LRRC4C: variants seen among roughly 807,000 people sequenced by gnomAD.
LRRC4C encodes the protein leucine rich repeat containing 4C, also known as leucine-rich repeat-containing protein 4C.
LRRC4C carries 5 observed loss-of-function variants against 33.6 expected under a neutral mutation model. The observed-to-expected ratio is 0.15, with a 90% CI of 0.08 to 0.31. The LOEUF (loss-of-function observed/expected upper bound fraction) is 0.31. LRRC4C is among the 10% of genes least tolerant of loss of function. The pLI, the probability that LRRC4C is intolerant of heterozygous loss-of-function variation, is 1.00. For synonymous variants in LRRC4C, 329 were observed against 302.0 expected (o/e 1.09, Z -0.93); for missense variants, 560 against 796.7 (o/e 0.70, Z 3.58).
intron 5 of LRRC4C, among the ~76,000 whole-genome samples, chr11:40,207,571 C>G (rs1863253692): frequency 6.6e-6 from 1 of 152,178 alleles, no homozygotes; most frequent in Non-Finnish European, 1.5e-5. Flanking sequence ...CACTGCCACT[C>G]TAGCCTGGGC....
At chr11:40,830,861 A>G (rs1019059260) in intron 2 of LRRC4C, among the ~76,000 whole-genome samples, 4 of 152,132 alleles carry the variant, frequency 2.6e-5, no homozygotes, top group African/African-American at 7.2e-5. Context: ...ATCTATGGCA[A>G]AGAGGGTGGA....
chr11:41,107,072 T>TGAA (rs1941546309), intron 1 of LRRC4C, among the ~76,000 whole-genome samples: 3 of 151,510 alleles, frequency 2.0e-5, no homozygotes, highest in Non-Finnish European at 4.4e-5. Flanking sequence ...TTTTTTTTTT[T>TGAA]TTTGAATTTT....
intron 1 of LRRC4C, among the ~76,000 whole-genome samples, chr11:40,979,972 G>T (rs1176981176): frequency 8.5e-5 from 13 of 152,096 alleles, no homozygotes; most frequent in African/African-American, 3.1e-4. Context: ...TAGGGATGGA[G>T]AAATTTCTGC....
At chr11:40,629,957 C>T (rs1225411651) in intron 3 of LRRC4C, among the ~76,000 whole-genome samples, 1 of 151,958 alleles carries the variant, frequency 6.6e-6, no homozygotes, top group Non-Finnish European at 1.5e-5. Context: ...TTAGGTTTCC[C>T]TAAAATGTTT....
At chr11:40,520,905 A>G (rs1205057267) in intron 3 of LRRC4C, among the ~76,000 whole-genome samples, 1 of 152,192 alleles carries the variant, frequency 6.6e-6, no homozygotes, top group African/African-American at 2.4e-5. Flanking sequence ...TTGATGGTAT[A>G]TACTCAACCC....
At chr11:40,409,745 T>C (rs1005795498) in intron 3 of LRRC4C, among the ~76,000 whole-genome samples, 1 of 151,900 alleles carries the variant, frequency 6.6e-6, no homozygotes, top group Non-Finnish European at 1.5e-5. Context: ...GGTTTAGAAA[T>C]GATGTGGAGA....
At chr11:41,031,460 A>T (rs2137822871) in intron 1 of LRRC4C, among the ~76,000 whole-genome samples, 1 of 152,138 alleles carries the variant, frequency 6.6e-6, no homozygotes, top group Non-Finnish European at 1.5e-5. Context: ...ACTGTAAAAC[A>T]GACATTTTAG....
At chr11:40,545,685 G>T (rs376150588) in intron 3 of LRRC4C, among the ~76,000 whole-genome samples, 62 of 151,920 alleles carry the variant, frequency 4.1e-4, no homozygotes, top group African/African-American at 8.5e-4. Context: ...TTCACCTTGC[G>T]CTTTAACCTC....
At chr11:40,829,465 T>C (rs1252325449) in intron 2 of LRRC4C, among the ~76,000 whole-genome samples, 1 of 152,052 alleles carries the variant, frequency 6.6e-6, no homozygotes, top group African/African-American at 2.4e-5. Context: ...TCTTTGGCAA[T>C]GCAGAGATTT....
chr11:41,365,372 T>C (rs1952498519), intron 1 of LRRC4C, among the ~76,000 whole-genome samples: 1 of 151,990 alleles, frequency 6.6e-6, no homozygotes, highest in African/African-American at 2.4e-5. Context: ...TTATGGTCAG[T>C]TGCAAATTAT....
At chr11:41,194,266 A>C (rs1946088031) in intron 1 of LRRC4C, among the ~76,000 whole-genome samples, 1 of 152,126 alleles carries the variant, frequency 6.6e-6, no homozygotes, top group African/African-American at 2.4e-5. Flanking sequence ...GTTTTTAGGT[A>C]GACAAAAGTT....
At chr11:40,204,618 C>T (rs1332223221) in intron 5 of LRRC4C, among the ~76,000 whole-genome samples, 4 of 152,056 alleles carry the variant, frequency 2.6e-5, no homozygotes, top group African/African-American at 9.7e-5. Flanking sequence ...TACCTTCTAT[C>T]ATAAAGACAA....
At chr11:40,942,318 A>C (rs1958191306) in intron 1 of LRRC4C, among the ~76,000 whole-genome samples, 1 of 152,186 alleles carries the variant, frequency 6.6e-6, no homozygotes, top group Non-Finnish European at 1.5e-5. Context: ...AGTCAATTAT[A>C]ATCCCAGCAA....
At chr11:40,592,751 T>A (rs1047799985) in intron 3 of LRRC4C, among the ~76,000 whole-genome samples, 1 of 152,196 alleles carries the variant, frequency 6.6e-6, no homozygotes, top group Non-Finnish European at 1.5e-5. Context: ...CACTCTGGCA[T>A]GCACAGACTA....
At chr11:41,147,480 T>G (rs187103447) in intron 1 of LRRC4C, among the ~76,000 whole-genome samples, 8 of 152,338 alleles carry the variant, frequency 5.3e-5, no homozygotes, top group Non-Finnish European at 1.5e-5. Flanking sequence ...TACTTTATGT[T>G]TCACTGCTTT....
chr11:40,959,915 T>C (rs1850860367), intron 1 of LRRC4C, among the ~76,000 whole-genome samples: 1 of 151,754 alleles, frequency 6.6e-6, no homozygotes, highest in South Asian at 2.1e-4. Flanking sequence ...GATGCTTTTG[T>C]AAATTTTTAT....
intron 4 of LRRC4C, among the ~76,000 whole-genome samples, chr11:40,264,325 C>T (rs1346887063): frequency 6.6e-6 from 1 of 152,118 alleles, no homozygotes; most frequent in Non-Finnish European, 1.5e-5. Flanking sequence ...CTTATAGTTG[C>T]TGGGTTAAAA....
intron 2 of LRRC4C, among the ~76,000 whole-genome samples, chr11:40,888,784 G>C (rs1040814396): frequency 2.6e-5 from 4 of 151,862 alleles, no homozygotes; most frequent in African/African-American, 9.7e-5. Context: ...ATCTTTGAAG[G>C]TTCTCATGTG....
chr11:40,910,142 A>G lies in LRRC4C; in HGVS notation c.-407+23493T>C, dbSNP rs544960330. Among the ~76,000 whole-genome samples the G allele has an allele frequency of 2.8e-4, 42 of 152,210 alleles. No homozygotes were observed. In the South Asian group the frequency reaches 8.3e-3, roughly 30 times the overall value. ...TTAATGCAATTCTACTAAGGAAAAG[A>G]CTCTCATGCATAGATTTAGGATATA... On this transcript the variant is annotated intron_variant, in intron 2 of 6. Coordinates refer to ENST00000528697, the MANE Select transcript of LRRC4C (RefSeq NM_001258419.2).
Sources: gnomAD v4.1 joint callset for allele counts (sites outside exome capture counted in the v4.1 genomes callset) on GRCh38, gnomAD v4.1.1 for gene constraint, MANE v1.5 for transcripts, NCBI Gene and HGNC (gene_info 2026-07-23, HGNC 2026-07-21) for gene names.